The following GPC5 variants were observed in gnomAD, a reference collection of about 807,000 sequenced individuals.
The protein encoded by GPC5 is glypican 5.
GPC5 carries 47 observed loss-of-function variants against 53.9 expected under a neutral mutation model. That is an observed-to-expected ratio of 0.87 (90% CI 0.69 to 1.11). The LOEUF (loss-of-function observed/expected upper bound fraction) is 1.11, where lower values mean the gene tolerates loss of function less well. Among genes scored for constraint, GPC5 ranks in the 50% most tolerant of loss-of-function variants. The pLI is 0.00. For missense variants in GPC5, 748 were observed against 713.1 expected, an observed-to-expected ratio of 1.05 and a Z score of -0.56; for synonymous variants, 286 against 263.3, an observed-to-expected ratio of 1.09 and a Z score of -0.84.
chr13:92,834,715 T>A (rs1299369918), intron 7 of GPC5, among the ~76,000 whole-genome samples: 3 of 152,124 alleles, frequency 2.0e-5, no homozygotes, highest in Non-Finnish European at 4.4e-5. Context: ...AAAGAAAATG[T>A]ACATGTATTT....
Position 91,943,761 on chromosome 13 carries a change from C to G in GPC5, c.1401+35704C>G, listed in dbSNP as rs147489089. Reference sequence around the variant, plus strand: ...ATGTTAGCTTTCTTGTCCTGTGAACCATATCTTTTCTGTATTTGCTGAAAT... The same window carrying G: ...ATGTTAGCTTTCTTGTCCTGTGAACGATATCTTTTCTGTATTTGCTGAAAT... On this transcript the variant is annotated intron_variant, in intron 6 of 7. Transcript: ENST00000377067. Among the ~76,000 whole-genome samples, 1,519 of 152,108 alleles carry G rather than the reference C, an allele frequency of 1.0e-2. 10 individuals are homozygous for G. The highest frequency in any genetic ancestry group is 0.015 in the Non-Finnish European group (1,012 of 67,966).
chr13:91,898,659 T>C (rs999379763), intron 5 of GPC5, among the ~76,000 whole-genome samples: 4 of 146,208 alleles, frequency 2.7e-5, no homozygotes, highest in African/African-American at 1.0e-4. Context: ...TCTAAATTTA[T>C]GTTACTGTCA....
At chr13:92,052,828 C>A (rs1428745601) in intron 6 of GPC5, among the ~76,000 whole-genome samples, 1 of 152,062 alleles carries the variant, frequency 6.6e-6, no homozygotes, top group Non-Finnish European at 1.5e-5. Flanking sequence ...GCAAAGGACA[C>A]CCCAAAGGGA....
intron 7 of GPC5, among the ~76,000 whole-genome samples, chr13:92,488,043 CTT>C (rs774868211): frequency 2.0e-5 from 3 of 151,850 alleles, no homozygotes; most frequent in Middle Eastern, 3.2e-3. Flanking sequence ...AATATTTGCT[CTT>C]TTCTTCATAT....
chr13:92,439,948 G>C (rs1198854256), intron 7 of GPC5, among the ~76,000 whole-genome samples: 1 of 152,070 alleles, frequency 6.6e-6, no homozygotes, highest in East Asian at 1.9e-4. Context: ...TAAATGAAAC[G>C]ACTCTAAAAA....
At chr13:91,867,572 G>A (rs1347255402) in intron 5 of GPC5, among the ~76,000 whole-genome samples, 1 of 152,202 alleles carries the variant, frequency 6.6e-6, no homozygotes, top group Admixed American at 6.5e-5. Context: ...AGTGTAAAGT[G>A]TGGTTTTCAG....
chr13:91,481,434 T>TCCCTATGACCTGCTA (rs1883292761), intron 2 of GPC5, among the ~76,000 whole-genome samples: 4 of 152,194 alleles, frequency 2.6e-5, no homozygotes, highest in Admixed American at 2.6e-4. Context: ...TTCAGTATCA[T>TCCCTATGACCTGCTA]CCCTATGACC....
intron 2 of GPC5, among the ~76,000 whole-genome samples, chr13:91,555,055 C>G (rs2138856905): frequency 6.6e-6 from 1 of 152,076 alleles, no homozygotes; most frequent in South Asian, 2.1e-4. Context: ...TAATTTTTTT[C>G]TAATCAAACT....
chr13:92,112,013 C>A (rs1183359256), intron 6 of GPC5, among the ~76,000 whole-genome samples: 3 of 152,038 alleles, frequency 2.0e-5, no homozygotes, highest in African/African-American at 7.2e-5. Context: ...AGACTAAAAG[C>A]TGTAAAATTA....
At chr13:92,221,696 C>G (rs948303968) in intron 7 of GPC5, among the ~76,000 whole-genome samples, 1 of 151,060 alleles carries the variant, frequency 6.6e-6, no homozygotes, top group Non-Finnish European at 1.5e-5. Context: ...GCAAAGTGCA[C>G]GCCAACAATA....
chr13:92,425,010 T>G (rs1430309722), intron 7 of GPC5, among the ~76,000 whole-genome samples: 2 of 152,068 alleles, frequency 1.3e-5, no homozygotes, highest in African/African-American at 4.8e-5. Flanking sequence ...AAATGAAGCC[T>G]TTTGTTACAC....
rs146359601 is a variant in GPC5, at chr13:91,418,390, G to A, written c.163+19181G>A. Among the ~76,000 whole-genome samples, 955 of 152,254 alleles carry A rather than the reference G, an allele frequency of 6.3e-3. 9 individuals carry two copies. The highest frequency in any genetic ancestry group is 0.021 in the African/African-American group (890 of 41,556). On this transcript the variant is annotated intron_variant, in intron 1 of 7. Transcript: ENST00000377067. ...GAGTTCTCCACTTATCTGGGTATAT[G>A]CATTTACCAAGGAGTGCTAGGATCA...
At chr13:92,091,395 A>G (rs915380795) in intron 6 of GPC5, among the ~76,000 whole-genome samples, 13 of 152,076 alleles carry the variant, frequency 8.5e-5, no homozygotes, top group Non-Finnish European at 1.6e-4. Flanking sequence ...CCATATATAC[A>G]CACATGCATA....
At chr13:91,727,338 C>T (rs1046353310) in intron 3 of GPC5, among the ~76,000 whole-genome samples, 5 of 152,154 alleles carry the variant, frequency 3.3e-5, no homozygotes, top group African/African-American at 4.8e-5. Flanking sequence ...ACCCACCACC[C>T]CCACTGGGCA....
intron 2 of GPC5, among the ~76,000 whole-genome samples, chr13:91,673,305 C>T (rs566214923): frequency 6.6e-6 from 1 of 152,034 alleles, no homozygotes; most frequent in Non-Finnish European, 1.5e-5. Context: ...GAATCTGTAA[C>T]CTGTCCCCTC....
chr13:92,383,548 A>G (rs773180729), intron 7 of GPC5, among the ~76,000 whole-genome samples: 28 of 152,232 alleles, frequency 1.8e-4, no homozygotes, highest in Non-Finnish European at 3.7e-4. Context: ...ACACACGGGT[A>G]TATGGACTCT....
intron 7 of GPC5, among the ~76,000 whole-genome samples, chr13:92,618,013 C>T (rs1187399468): frequency 6.6e-6 from 1 of 152,120 alleles, no homozygotes; most frequent in South Asian, 2.1e-4. Flanking sequence ...CAGTTATGTG[C>T]AGCTCTTAAG....
intron 6 of GPC5, among the ~76,000 whole-genome samples, chr13:91,916,398 C>T (rs2039659500): frequency 6.6e-6 from 1 of 152,078 alleles, no homozygotes; most frequent in Non-Finnish European, 1.5e-5. Context: ...AAATGTTCCT[C>T]AATTGATGAC....
chr13:92,358,699 C>T (rs1242764551), intron 7 of GPC5, among the ~76,000 whole-genome samples: 1 of 151,806 alleles, frequency 6.6e-6, no homozygotes, highest in East Asian at 1.9e-4. Flanking sequence ...ATGGCTTACA[C>T]CCTTGGGAGA....
Sources: allele counts gnomAD v4.1 joint callset (sites outside exome capture counted in the v4.1 genomes callset), GRCh38; gene constraint gnomAD v4.1.1; transcripts MANE v1.5; gene names NCBI Gene and HGNC (gene_info 2026-07-23, HGNC 2026-07-21).